Variants in ALOX5 observed in about 807,000 individuals in gnomAD.
The protein encoded by ALOX5 is arachidonate 5-lipoxygenase.
Under a neutral mutation model 87.9 loss-of-function variants are expected in ALOX5, and 64 were observed. That is an observed-to-expected ratio of 0.73 (90% confidence interval 0.60 to 0.90). The LOEUF (loss-of-function observed/expected upper bound fraction) is 0.90, where lower values mean the gene tolerates loss of function less well. Ranked by LOEUF, ALOX5 falls within the 40% of genes least tolerant of loss-of-function variation. ALOX5 has a pLI of 0.00. For missense variants in ALOX5, 822 were observed against 907.5 expected (o/e 0.91, Z 1.21); for synonymous variants, 388 against 355.1 (o/e 1.09, Z -1.04).
intron 4 of ALOX5, among the ~76,000 whole-genome samples, chr10:45,414,828 G>A (rs1841213799): frequency 6.6e-6 from 1 of 152,248 alleles, no homozygotes; most frequent in South Asian, 2.1e-4. Context: ...ATAGACACAT[G>A]AAGAAATGCT....
At chr10:45,414,975 A>C (rs1267955543) in intron 4 of ALOX5, among the ~76,000 whole-genome samples, 7 of 152,258 alleles carry the variant, frequency 4.6e-5, no homozygotes, top group Non-Finnish European at 1.0e-4. Flanking sequence ...GAACACTTTT[A>C]CACTGTTGGT....
intron 3 of ALOX5, among the ~76,000 whole-genome samples, chr10:45,406,837 C>G (rs181340150): frequency 6.6e-6 from 1 of 152,344 alleles, no homozygotes. Context: ...CCATTATCTA[C>G]ACCACTGATA....
In ALOX5 at chr10:45,423,283, A is replaced by G. The variant is rs192914353; in HGVS notation, c.555-758A>G. Among the ~76,000 whole-genome samples, 252 of 152,368 alleles carry G rather than the reference A, an allele frequency of 1.7e-3. 1 individual carries two copies. The highest frequency in any genetic ancestry group is 5.8e-3 in the African/African-American group (241 of 41,592). ...ACTGACGGTGGAGAGGCAACAGGCT[A>G]TCTTGTTAATCTCAGTCTTTTGTGT... On this transcript the variant is annotated intron_variant, in intron 4 of 13. Coordinates refer to ENST00000374391, the MANE Select transcript of ALOX5 (RefSeq NM_000698.5).
Position 45,425,090 on chromosome 10 carries a change from G to T in ALOX5, c.792G>T (p.Glu264Asp), listed in dbSNP as rs748481307. 1.2e-6 allele frequency: 2 copies of T among 1,614,040 alleles called. No homozygotes were observed. The highest frequency in any genetic ancestry group is 3.3e-5 in the Admixed American group (2 of 60,024). Residue 264 changes from glutamate (E) to aspartate (D), a missense_variant, in exon 6 of 14, where the codon GAG becomes GAT. Coordinates refer to ENST00000374391, the MANE Select transcript of ALOX5 (RefSeq NM_000698.5). The surrounding 1 kb of genome is among the most constrained non-coding windows in gnomAD (Gnocchi z 4.4). Reference protein sequence around the residue: ...EKLPVTTEMVECSLERQLSLE... With the variant: ...EKLPVTTEMVDCSLERQLSLE... ...TCCCGGTGACCACGGAGATGGTAGA[G>T]TGCAGCCTGGAGCGGCAGCTCAGCT... is the stretch of plus-strand genomic sequence containing the variant.
intron 3 of ALOX5, among the ~76,000 whole-genome samples, chr10:45,411,729 C>T (rs1324993519): frequency 1.3e-5 from 2 of 152,224 alleles, no homozygotes; most frequent in African/African-American, 4.8e-5. Context: ...TCCCATTTCC[C>T]CAAATGCCAC....
rs763058133 is a variant in ALOX5, at chr10:45,374,327, C to T, written c.48C>T (p.Ala16=). The T allele has an allele frequency of 5.7e-5, 87 of 1,526,106 alleles. No homozygotes were observed. The East Asian group carries it at 1.4e-3, about 24-fold the overall frequency. 94.5% of individuals were successfully genotyped at this position (1,526,106 alleles called of 1,614,324 possible). Reference sequence around the variant, plus strand: ...TGGCCACTGGCAGCCAGTGGTTCGCCGGCACTGACGACTACATCTACCTCA... The same window carrying T: ...TGGCCACTGGCAGCCAGTGGTTCGCTGGCACTGACGACTACATCTACCTCA... The part of the protein sequence containing the change: ...VTVATGSQWF[A]GTDDYIYLSL... The change falls in exon 1 of 14, where the codon GCC becomes GCT. Residue 16 remains alanine (A), a synonymous_variant. Transcript: ENST00000374391.
At position 45,414,633 on chromosome 10, in the gene ALOX5, C is replaced by T. The variant is rs544328785; in HGVS notation, c.554+2320C>T. Reference sequence around the variant, plus strand: ...AGCTTCTGCACAGCAAAAGAAACTACCATCAGAGTGAACAGGCAACCTACA... The same window carrying T: ...AGCTTCTGCACAGCAAAAGAAACTATCATCAGAGTGAACAGGCAACCTACA... On this transcript the variant is annotated intron_variant, in intron 4 of 13. Transcript: ENST00000374391. Among the ~76,000 whole-genome samples, 195 of 152,102 alleles carry T rather than the reference C, an allele frequency of 1.3e-3. 1 individual carries two copies. Among genetic ancestry groups the T allele is most frequent in the African/African-American group, 4.5e-3 (188 of 41,454 alleles).
At position 45,445,616 on chromosome 10, in the gene ALOX5, C is replaced by A. The variant is rs151270582; in HGVS notation, c.1954C>A (p.Arg652Ser). The A allele has an allele frequency of 3.7e-5, 59 of 1,613,978 alleles. No individual in the cohort carries two copies. The highest frequency in any genetic ancestry group is 4.8e-5 in the Non-Finnish European group (57 of 1,180,020). Residue 652 changes from arginine to serine, a missense_variant, in exon 14 of 14, where the codon CGC becomes AGC. Coordinates refer to ENST00000374391, the MANE Select transcript of ALOX5 (RefSeq NM_000698.5). ...GGCCATTGTCAGCGTGATTGCTGAG[C>A]GCAACAAGAAGAAGCAGCTGCCATA... ...LEAIVSVIAE[R>S]NKKKQLPYYY...
intron 7 of ALOX5, among the ~76,000 whole-genome samples, chr10:45,435,112 C>T (rs912656656): frequency 1.3e-5 from 2 of 152,138 alleles, no homozygotes; most frequent in Non-Finnish European, 2.9e-5. Context: ...TGGGGAAGGC[C>T]CAGCTCAGTG....
chr10:45,428,552 T>G (rs1405984580), intron 6 of ALOX5, 66 bp from the exon 7 acceptor site: 4 of 1,595,468 alleles, frequency 2.5e-6, no homozygotes, highest in Non-Finnish European at 3.4e-6. Context: ...CATCACTCTT[T>G]CCCCAGGCCT....
At chr10:45,432,105 G>T (rs1219987123) in intron 7 of ALOX5, among the ~76,000 whole-genome samples, 1 of 149,350 alleles carries the variant, frequency 6.7e-6, no homozygotes, top group Non-Finnish European at 1.5e-5. Flanking sequence ...TATGGAAAAA[G>T]AAATCTAGCA....
intron 3 of ALOX5, among the ~76,000 whole-genome samples, chr10:45,409,155 G>A (rs1353793903): frequency 6.6e-6 from 1 of 152,146 alleles, no homozygotes; most frequent in Non-Finnish European, 1.5e-5. Flanking sequence ...GGCAAATGCT[G>A]AGCCATCACC....
chr10:45,412,405 G>A, intron 4 of ALOX5, 92 bp downstream of exon 4: 1 of 1,530,182 alleles, frequency 6.5e-7, no homozygotes, highest in East Asian at 2.3e-5. Flanking sequence ...TGGGGTCCTT[G>A]GGTTGGGGGA....
intron 13 of ALOX5, 21 bp from the exon 14 acceptor site, chr10:45,445,487 T>G: frequency 6.2e-7 from 1 of 1,607,926 alleles, no homozygotes. Context: ...CCTATGTGTG[T>G]GTCCATGTCT....
At chr10:45,390,476 A>G (rs1446006943) in intron 2 of ALOX5, among the ~76,000 whole-genome samples, 2 of 152,248 alleles carry the variant, frequency 1.3e-5, no homozygotes, top group African/African-American at 2.4e-5. Flanking sequence ...AAGAACAGAA[A>G]CCATAACAAA....
chr10:45,379,619 G>A (rs1034879200), intron 1 of ALOX5, among the ~76,000 whole-genome samples: 55 of 152,328 alleles, frequency 3.6e-4, no homozygotes, highest in African/African-American at 1.2e-3. Context: ...CAGGCGGTGT[G>A]GGGCCTGGTG....
chr10:45,385,501 A>G (rs1839978197), intron 2 of ALOX5, among the ~76,000 whole-genome samples: 1 of 152,250 alleles, frequency 6.6e-6, no homozygotes, highest in Non-Finnish European at 1.5e-5. Context: ...CAGGGGAGAC[A>G]GAACTATTCT....
chr10:45,445,417 A>G, intron 13 of ALOX5, 91 bp from the exon 14 acceptor site: 1 of 1,473,474 alleles, frequency 6.8e-7, no homozygotes, highest in Non-Finnish European at 9.2e-7. Context: ...TCATCTCCCA[A>G]ACGGTGGCTG....
intron 3 of ALOX5, among the ~76,000 whole-genome samples, chr10:45,411,024 G>C (rs531357483): frequency 6.6e-6 from 1 of 152,362 alleles, no homozygotes; most frequent in South Asian, 2.1e-4. Context: ...TTATTCATGA[G>C]TTTTCCAGGA....
Sources: gnomAD v4.1 joint callset for allele counts (sites outside exome capture counted in the v4.1 genomes callset) on GRCh38, gnomAD v4.1.1 for gene constraint, Gnocchi (gnomAD v3.1) non-coding constraint, MANE v1.5 for transcripts, NCBI Gene and HGNC (gene_info 2026-07-23, HGNC 2026-07-21) for gene names.